PLEKHA5: variants seen among roughly 807,000 people sequenced by gnomAD.
PLEKHA5 encodes the protein pleckstrin homology domain containing A5.
Under a neutral mutation model 181.9 loss-of-function variants are expected in PLEKHA5, and 55 were observed. The observed-to-expected ratio is 0.30, with a 90% CI of 0.24 to 0.38. PLEKHA5 has a LOEUF of 0.38. Ranked by LOEUF, PLEKHA5 falls within the 10% of genes least tolerant of loss-of-function variation. The pLI, the probability that PLEKHA5 is intolerant of heterozygous loss-of-function variation, is 1.00. For missense variants in PLEKHA5, 1,432 were observed against 1,549.5 expected, an observed-to-expected ratio of 0.92 and a Z score of 1.27; for synonymous variants, 535 against 529.4, an observed-to-expected ratio of 1.01 and a Z score of -0.15.
chr12:19,199,722 T>C lies in PLEKHA5; in HGVS notation c.228-54218T>C, dbSNP rs113826687. Among the ~76,000 whole-genome samples the C allele has an allele frequency of 5.5e-3, 834 of 152,300 alleles. 7 individuals carry two copies. The highest frequency in any genetic ancestry group is 0.019 in the African/African-American group (806 of 41,554). On this transcript the variant is annotated intron_variant, in intron 3 of 31. Coordinates refer to ENST00000429027, the MANE Select transcript of PLEKHA5 (RefSeq NM_001256470.2). ...ACAGAAGCCATGGAGGAAAAGCACA[T>C]TCTACGACTTGAGCTTTTTTTCTGA...
chr12:19,315,228 A>T (rs1047504573), intron 16 of PLEKHA5, among the ~76,000 whole-genome samples: 1 of 152,206 alleles, frequency 6.6e-6, no homozygotes, highest in African/African-American at 2.4e-5. Context: ...TAAAAGCATT[A>T]TACCTATTTT....
rs557152072 is a variant in PLEKHA5, at chr12:19,188,024, A to G, written c.227+55574A>G. Among the ~76,000 whole-genome samples, 4 of 152,320 alleles carry G rather than the reference A, an allele frequency of 2.6e-5. No individual in the cohort carries two copies. In the South Asian group the frequency reaches 6.2e-4, roughly 24 times the overall value. ...ATATTTGTGTTTTTTTCTTCAAGCA[A>G]TGAAAACCATTTTTGGTCTGCCACC... On this transcript the variant is annotated intron_variant, in intron 3 of 31. Coordinates refer to ENST00000429027, the MANE Select transcript of PLEKHA5 (RefSeq NM_001256470.2).
intron 3 of PLEKHA5, among the ~76,000 whole-genome samples, chr12:19,211,498 C>T (rs748325788): frequency 1.2e-4 from 18 of 152,118 alleles, no homozygotes; most frequent in East Asian, 9.7e-4. Flanking sequence ...CTGGAAGAGG[C>T]GACCATGAAC....
chr12:19,184,500 G>C (rs1419476769), intron 3 of PLEKHA5, among the ~76,000 whole-genome samples: 1 of 152,172 alleles, frequency 6.6e-6, no homozygotes, highest in Non-Finnish European at 1.5e-5. Context: ...AAGTAAGCTA[G>C]TCATCACAAT....
intron 3 of PLEKHA5, among the ~76,000 whole-genome samples, chr12:19,252,455 G>C (rs2065599869): frequency 6.6e-6 from 1 of 152,088 alleles, no homozygotes; most frequent in Non-Finnish European, 1.5e-5. Flanking sequence ...ATATATCAAT[G>C]TATATTGCAT....
At chr12:19,199,276 TTC>T (rs1227477552) in intron 3 of PLEKHA5, among the ~76,000 whole-genome samples, 1 of 152,204 alleles carries the variant, frequency 6.6e-6, no homozygotes, top group Non-Finnish European at 1.5e-5. Flanking sequence ...AATACTTGTT[TTC>T]TTTTTTTGAA....
intron 3 of PLEKHA5, among the ~76,000 whole-genome samples, chr12:19,177,493 C>T (rs1347417210): frequency 2.6e-5 from 4 of 152,102 alleles, no homozygotes; most frequent in African/African-American, 4.8e-5. Flanking sequence ...GTTATGCAGA[C>T]GAGTTTCATT....
At chr12:19,344,679 A>G (rs2094189203) in intron 22 of PLEKHA5, among the ~76,000 whole-genome samples, 1 of 152,236 alleles carries the variant, frequency 6.6e-6, no homozygotes, top group South Asian at 2.1e-4. Context: ...ATTTCACATT[A>G]TGTTAATACC....
intron 15 of PLEKHA5, among the ~76,000 whole-genome samples, chr12:19,305,972 C>T (rs1287093624): frequency 1.3e-5 from 2 of 151,100 alleles, no homozygotes; most frequent in Non-Finnish European, 1.5e-5. Flanking sequence ...CCCAGCTACT[C>T]GGGAGGCTGA....
chr12:19,234,745 A>T lies in PLEKHA5; in HGVS notation c.228-19195A>T, dbSNP rs2061156037. 2.0e-5 allele frequency among the ~76,000 whole-genome samples: 3 copies of T among 152,300 alleles called. No individual in the cohort carries two copies. The South Asian group carries it at 6.2e-4, about 32-fold the overall frequency. ...AACCAACTCTGCCAGGATAATACAA[A>T]ATTCCTTCTCAGTAAGTTTTAGAGG... On this transcript the variant is annotated intron_variant, in intron 3 of 31. Transcript: ENST00000429027.
intron 4 of PLEKHA5, 82 bp from the exon 5 acceptor site, chr12:19,254,963 C>T (rs1565525629): frequency 3.3e-6 from 4 of 1,197,802 alleles, no homozygotes; most frequent in Admixed American, 4.5e-5. Flanking sequence ...GTAGGACACT[C>T]GCATTGTTAA....
intron 3 of PLEKHA5, among the ~76,000 whole-genome samples, chr12:19,188,101 T>G (rs1455684529): frequency 6.6e-6 from 1 of 152,120 alleles, no homozygotes; most frequent in Non-Finnish European, 1.5e-5. Flanking sequence ...TAGAAAAAAA[T>G]GAAGTCAATT....
chr12:19,354,808 C>T (rs2094837000), intron 26 of PLEKHA5, among the ~76,000 whole-genome samples: 1 of 152,132 alleles, frequency 6.6e-6, no homozygotes, highest in African/African-American at 2.4e-5. Context: ...AGAATTAGCA[C>T]GTCAGAGGAC....
At chr12:19,272,748 T>C (rs1385886939) in intron 10 of PLEKHA5, among the ~76,000 whole-genome samples, 3 of 152,126 alleles carry the variant, frequency 2.0e-5, no homozygotes, top group Non-Finnish European at 4.4e-5. Context: ...CAAATAATAA[T>C]GATAATAATC....
At chr12:19,202,720 C>G (rs1159393123) in intron 3 of PLEKHA5, among the ~76,000 whole-genome samples, 1 of 152,040 alleles carries the variant, frequency 6.6e-6, no homozygotes, top group East Asian at 1.9e-4. Flanking sequence ...TGATAATTGC[C>G]GTATAAGGCT....
intron 3 of PLEKHA5, among the ~76,000 whole-genome samples, chr12:19,239,396 T>C (rs950883517): frequency 2.0e-5 from 3 of 152,142 alleles, no homozygotes; most frequent in Non-Finnish European, 4.4e-5. Flanking sequence ...GTCACTGCTA[T>C]TGGAAACTGG....
At position 19,130,162 on chromosome 12, in the gene PLEKHA5, G is replaced by A. The variant is rs750506873; in HGVS notation, c.169+32G>A. The A allele has an allele frequency of 9.7e-6, 14 of 1,436,814 alleles. No individual in the cohort carries two copies. In the East Asian group the frequency reaches 3.4e-4, roughly 35 times the overall value. The allele number at this position is 1,436,814 out of a possible 1,614,324, so 89.0% of individuals were successfully genotyped here. ...CCGGGCCCAAACGGAGTTGGGCTCC[G>A]CCTGGAGGAGGCGGCAGAGCCCGGG... On this transcript the variant is annotated intron_variant, in intron 2 of 31. Transcript: ENST00000429027. The surrounding 1 kb of genome is among the most constrained non-coding windows in gnomAD (Gnocchi z 4.5).
chr12:19,305,506 A>G (rs2083000643), intron 15 of PLEKHA5, among the ~76,000 whole-genome samples: 2 of 149,264 alleles, frequency 1.3e-5, no homozygotes, highest in Admixed American at 6.8e-5. Context: ...GGTTGCAGTG[A>G]GCCAAGATGG....
chr12:19,166,953 A>G (rs2044533458), intron 3 of PLEKHA5, among the ~76,000 whole-genome samples: 1 of 152,240 alleles, frequency 6.6e-6, no homozygotes, highest in Non-Finnish European at 1.5e-5. Context: ...GCTACCAAAA[A>G]CATAAACAAT....
Sources: gnomAD v4.1 joint callset for allele counts (sites outside exome capture counted in the v4.1 genomes callset) on GRCh38, gnomAD v4.1.1 for gene constraint, Gnocchi (gnomAD v3.1) non-coding constraint, MANE v1.5 for transcripts, NCBI Gene and HGNC (gene_info 2026-07-23, HGNC 2026-07-21) for gene names.